Variants in NTRK1 observed in about 807,000 individuals in gnomAD.
The protein encoded by NTRK1 is neurotrophic receptor tyrosine kinase 1.
Under a neutral mutation model 86.8 loss-of-function variants are expected in NTRK1, and 62 were observed. The observed-to-expected ratio is 0.71, with a 90% CI of 0.58 to 0.88. The LOEUF (loss-of-function observed/expected upper bound fraction) is 0.88. NTRK1 is among the 40% of genes least tolerant of loss of function. NTRK1 has a pLI of 0.00. For synonymous variants in NTRK1, 469 were observed against 456.6 expected (o/e 1.03, Z -0.35); for missense variants, 967 against 1,078.4 (o/e 0.90, Z 1.45).
chr1:156,851,231 C>G, intron 2 of NTRK1: 1 of 1,602,412 alleles, frequency 6.2e-7, no homozygotes, highest in Non-Finnish European at 8.5e-7. Flanking sequence ...CACCACTGTT[C>G]TGGGAGTGTT....
upstream of NTRK1, among the ~76,000 whole-genome samples, chr1:156,857,386 A>T (rs1483326977): frequency 6.6e-6 from 1 of 152,164 alleles, no homozygotes; most frequent in African/African-American, 2.4e-5. Flanking sequence ...GATGGGAGTC[A>T]TTTGGAAAAA....
rs750876201 is a variant in NTRK1, at chr1:156,864,354, C to G, written c.213C>G (p.Leu71=). Residue 71 remains leucine, a splice_region_variant and synonymous_variant, in exon 2 of 17, where the codon CTC becomes CTG. Coordinates refer to ENST00000524377, the MANE Select transcript of NTRK1 (RefSeq NM_002529.4). ...TGACTCCCATCCGCTCTCCCCACAG[C>G]TACATCGAGAACCAGCAGCATCTGC... ...HLPGAENLTE[L]YIENQQHLQH... The G allele has an allele frequency of 6.2e-7, 1 of 1,614,138 alleles. No homozygotes were observed. Among genetic ancestry groups the G allele is most frequent in the Admixed American group, 1.7e-5 (1 of 60,016 alleles).
upstream of NTRK1, among the ~76,000 whole-genome samples, chr1:156,858,071 AG>A (rs542257429): frequency 1.7e-3 from 259 of 152,250 alleles, 2 homozygotes; most frequent in African/African-American, 6.0e-3. Context: ...AGGGCCCTGG[AG>A]GCAGGAGCTC....
chr1:156,830,186 T>C (rs1261303300), intron 1 of NTRK1, among the ~76,000 whole-genome samples: 3 of 152,234 alleles, frequency 2.0e-5, no homozygotes, highest in Non-Finnish European at 4.4e-5. Context: ...CACATTGTGA[T>C]CACTGCAATA....
At chr1:156,868,053 G>T in intron 4 of NTRK1, 51 bp from the exon 5 acceptor site, 1 of 1,609,842 alleles carries the variant, frequency 6.2e-7, no homozygotes, top group Non-Finnish European at 8.5e-7. Context: ...TATCCCCTGT[G>T]ATCCCTCAGG....
intron 2 of NTRK1, chr1:156,845,438 T>C: frequency 6.5e-7 from 1 of 1,533,586 alleles, no homozygotes; most frequent in Non-Finnish European, 8.8e-7. Context: ...AGTAGCCCTA[T>C]CAGGCCTGTC....
At chr1:156,842,419 T>C (rs1314888220) in intron 2 of NTRK1, 3 of 1,613,842 alleles carry the variant, frequency 1.9e-6, no homozygotes, top group South Asian at 2.2e-5. Context: ...GCCGCAAAGA[T>C]CGAAGATGGC....
At chr1:156,871,973 C>T (rs1041853916) in intron 7 of NTRK1, among the ~76,000 whole-genome samples, 1 of 152,150 alleles carries the variant, frequency 6.6e-6, no homozygotes, top group Admixed American at 6.5e-5. Flanking sequence ...CTTTCTGGCC[C>T]CCTGCCCGAG....
intron 1 of NTRK1, among the ~76,000 whole-genome samples, chr1:156,836,306 C>G (rs1191999460): frequency 6.6e-6 from 1 of 152,188 alleles, no homozygotes; most frequent in Non-Finnish European, 1.5e-5. Flanking sequence ...CCCGGGGTGT[C>G]CTCAGAGCTT....
Position 156,868,571 on chromosome 1 carries a change from G to T in NTRK1, c.641G>T (p.Arg214Leu). 1.3e-6 allele frequency: 2 copies of T among 1,554,406 alleles called. No homozygotes were observed. The highest frequency in any genetic ancestry group is 1.7e-6 in the Non-Finnish European group (2 of 1,148,560). Residue 214 changes from arginine (R) to leucine (L), a missense_variant, in exon 6 of 17, where the codon CGG (arginine) becomes CTG (leucine). By Grantham distance (102) the Arg-to-Leu change is moderately radical (BLOSUM62 -2). Transcript: ENST00000524377. ...GATGTGGGGGACGACGTGCTGCTGC[G>T]GTGCCAGGTGGAGGGGCGGGGCCTG... ...SVDVGDDVLL[R>L]CQVEGRGLEQ...
intron 1 of NTRK1, among the ~76,000 whole-genome samples, chr1:156,833,884 C>T (rs1310065825): frequency 1.3e-5 from 2 of 152,224 alleles, no homozygotes; most frequent in Non-Finnish European, 2.9e-5. Flanking sequence ...CTCTGAGGGA[C>T]TCCACCTCTA....
Position 156,881,687 on chromosome 1 carries a change from C to A in NTRK1, c.*45C>A, listed in dbSNP as rs1057154122. 2 of 1,546,540 alleles carry A rather than the reference C, an allele frequency of 1.3e-6. No homozygotes were observed. Among genetic ancestry groups the A allele is most frequent in the Non-Finnish European group, 1.8e-6 (2 of 1,142,598 alleles). On this transcript the variant is annotated 3_prime_UTR_variant, in exon 17 of 17. Coordinates refer to ENST00000524377, the MANE Select transcript of NTRK1 (RefSeq NM_002529.4). Reference sequence around the variant, plus strand: ...GGAGTGGTTAGCCGGAATACTGGGGCCTGCCCTCAGCATCCCCCATAGCTC... The same window carrying A: ...GGAGTGGTTAGCCGGAATACTGGGGACTGCCCTCAGCATCCCCCATAGCTC...
At chr1:156,855,080 C>T (rs1363883267) in intron 2 of NTRK1, among the ~76,000 whole-genome samples, 1 of 152,178 alleles carries the variant, frequency 6.6e-6, no homozygotes, top group Admixed American at 6.6e-5. Context: ...TCTGTTCCTT[C>T]TGGCCAGAAT....
In NTRK1 at chr1:156,869,083, C is replaced by A. The variant is rs1294053219; in HGVS notation, c.717+436C>A. Among the ~76,000 whole-genome samples, 3 of 137,856 alleles carry A rather than the reference C, an allele frequency of 2.2e-5. 1 individual carries two copies. Among genetic ancestry groups the A allele is most frequent in the Non-Finnish European group, 4.7e-5 (3 of 64,084 alleles). 90.4% of individuals were successfully genotyped at this position (137,856 alleles called of 152,430 possible). On this transcript the variant is annotated intron_variant, in intron 6 of 16. Transcript: ENST00000524377. The stretch of plus-strand genomic sequence containing the variant: ...TCCTTCCTTCCTTCCTTCCTTCCTT[C>A]CTTCCTTTTATGGAGTTTCGCTCTG...
At position 156,880,110 on chromosome 1, in the gene NTRK1, A is replaced by T. The variant is rs2102927666; in HGVS notation, c.2158A>T (p.Ile720Phe). 1 of 1,611,078 alleles carries T rather than the reference A, an allele frequency of 6.2e-7. No individual in the cohort carries two copies. The highest frequency in any genetic ancestry group is 8.5e-7 in the Non-Finnish European group (1 of 1,179,572). ...GAGCTTCGGCGTGGTGCTCTGGGAG[A>T]TCTTCACCTACGGCAAGCAGCCCTG... ...VWSFGVVLWE[I>F]FTYGKQPWYQ... Residue 720 changes from isoleucine (I) to phenylalanine (F), a missense_variant, in exon 16 of 17, where the codon ATC becomes TTC. Ile to Phe is a conservative substitution (Grantham distance 21). This residue lies in a region of NTRK1 where 637 missense variants were observed against 776.5 expected (regional missense o/e 0.82). Coordinates refer to ENST00000524377, the MANE Select transcript of NTRK1 (RefSeq NM_002529.4).
intron 1 of NTRK1, among the ~76,000 whole-genome samples, chr1:156,834,502 C>T (rs771533963): frequency 7.9e-5 from 12 of 152,110 alleles, no homozygotes; most frequent in African/African-American, 2.9e-4. Flanking sequence ...TCTCAGTCTT[C>T]GAGGCAGAGT....
chr1:156,842,002 C>T, intron 1 of NTRK1: 1 of 1,578,084 alleles, frequency 6.3e-7, no homozygotes, highest in Non-Finnish European at 8.6e-7. Flanking sequence ...GGGTGACTTG[C>T]CAAGGGTCTC....
intron 14 of NTRK1, among the ~76,000 whole-genome samples, chr1:156,877,923 G>C (rs1368981335): frequency 6.6e-6 from 1 of 152,198 alleles, no homozygotes; most frequent in Non-Finnish European, 1.5e-5. Flanking sequence ...GTTGAGTGTG[G>C]AGGAGGATAG....
chr1:156,861,138 G>A lies in NTRK1; in HGVS notation c.204G>A (p.Leu68=). Residue 68 remains leucine (L), a synonymous_variant, in exon 1 of 17, where the codon CTG becomes CTA. Transcript: ENST00000524377. ...ACCACCTGCCCGGCGCAGAGAACCT[G>A]ACTGAGCTGTGAGTGTCCGGCGGGC... is the stretch of plus-strand genomic sequence containing the variant. The part of the protein sequence containing the change: ...SLHHLPGAEN[L]TELYIENQQH... 1 of 1,576,320 alleles carries A rather than the reference G, an allele frequency of 6.3e-7. No individual in the cohort carries two copies.
Sources: allele counts gnomAD v4.1 joint callset (sites outside exome capture counted in the v4.1 genomes callset), GRCh38; gene constraint gnomAD v4.1.1; regional missense constraint gnomAD v4.1.1; transcripts MANE v1.5; gene names NCBI Gene and HGNC (gene_info 2026-07-23, HGNC 2026-07-21).